Variants in SPAG5 observed in about 807,000 individuals in gnomAD.
SPAG5 encodes sperm associated antigen 5, also known as sperm-associated antigen 5.
SPAG5 carries 99 observed loss-of-function variants against 145.4 expected under a neutral mutation model. The ratio of observed to expected loss-of-function variants is 0.68; its 90% CI spans 0.58 to 0.80. The LOEUF (loss-of-function observed/expected upper bound fraction) is 0.80. Among genes scored for constraint, SPAG5 ranks in the 30% least tolerant of loss-of-function variants. The pLI is 0.00. For synonymous variants in SPAG5, 477 were observed against 525.4 expected (o/e 0.91, Z 1.26); for missense variants, 1,192 against 1,416.0 (o/e 0.84, Z 2.54).
chr17:28,586,573 C>T, intron 4 of SPAG5, 74 bp from the exon 5 acceptor site: 1 of 1,276,402 alleles, frequency 7.8e-7, no homozygotes, highest in South Asian at 1.2e-5. Context: ...GCTCTATCAT[C>T]CAGACTGGAG....
intron 4 of SPAG5, among the ~76,000 whole-genome samples, chr17:28,588,236 T>A (rs2070598822): frequency 6.6e-6 from 1 of 152,138 alleles, no homozygotes; most frequent in Admixed American, 6.5e-5. Context: ...GTGATGAGAT[T>A]AATGTGAAGG....
intron 5 of SPAG5, 22 bp downstream of exon 5, chr17:28,586,395 AGTGGTGGT>A (rs1567624991): frequency 4.1e-5 from 64 of 1,551,016 alleles, no homozygotes; most frequent in Non-Finnish European, 5.6e-5. Context: ...CAGGAGACCC[AGTGGTGGT>A]GTAAGGTCAA....
chr17:28,591,954 C>T (rs775602713), intron 3 of SPAG5, 28 bp downstream of exon 3: 7 of 1,610,534 alleles, frequency 4.3e-6, no homozygotes, highest in South Asian at 3.3e-5. Context: ...ATGGAACTCA[C>T]GAGGTGCAAG....
In SPAG5 at chr17:28,592,616, A is replaced by G. The variant is rs770797116; in HGVS notation, c.628T>C (p.Cys210Arg). The G allele has an allele frequency of 1.1e-5, 17 of 1,614,186 alleles. No homozygotes were observed. Among genetic ancestry groups the G allele is most frequent in the Non-Finnish European group, 1.4e-5 (17 of 1,180,034 alleles). ...HLLEESPPNPCSEQLHCSKES... is the reference protein window; with the variant it reads ...HLLEESPPNPRSEQLHCSKES... Reference sequence around the variant, plus strand: ...TTGGAGCAATGTAGTTGTTCAGAACAGGGATTTGGTGGAGACTCCTCTAAG... The same window carrying G: ...TTGGAGCAATGTAGTTGTTCAGAACGGGGATTTGGTGGAGACTCCTCTAAG... Residue 210 changes from cysteine to arginine, a missense_variant, in exon 3 of 24, where the codon TGT becomes CGT. This residue lies in a region of SPAG5 where 329 missense variants were observed against 354.0 expected (regional missense o/e 0.93). Coordinates refer to ENST00000321765, the MANE Select transcript of SPAG5 (RefSeq NM_006461.4).
chr17:28,598,414 T>C (rs2070683613), intron 2 of SPAG5, 96 bp downstream of exon 2: 2 of 1,415,040 alleles, frequency 1.4e-6, no homozygotes, highest in Non-Finnish European at 1.9e-6. Flanking sequence ...AAGACTTCAT[T>C]ATCGTTATTA....
Position 28,598,943 on chromosome 17 carries a change from A to G in SPAG5, c.4T>C (p.Trp2Arg). Residue 2 changes from tryptophan (W) to arginine (R), a missense_variant, in exon 1 of 24, where the codon TGG (tryptophan) becomes CGG (arginine). Around this residue, in one of 5 missense-constraint regions of SPAG5, gnomAD observed 329 missense variants for 354.0 expected, o/e 0.93. Transcript: ENST00000321765. M[W>R]RVKKLSLSLS... ...CTGAGGCTCAGTTTTTTCACTCGCC[A>G]CATCTTCAACCAGAAGGCAGGCCTA... 6.2e-7 allele frequency: 1 copy of G among 1,613,968 alleles called. No individual in the cohort carries two copies. The highest frequency in any genetic ancestry group is 8.5e-7 in the Non-Finnish European group (1 of 1,179,952).
chr17:28,587,740 A>G (rs1398549813), intron 4 of SPAG5, among the ~76,000 whole-genome samples: 2 of 145,996 alleles, frequency 1.4e-5, no homozygotes, highest in Non-Finnish European at 3.0e-5. Flanking sequence ...AAAAAAAAAA[A>G]GGATGAACCA....
Position 28,586,445 on chromosome 17 carries a change from GT to G in SPAG5, c.1491del (p.Gln498SerfsTer17). 6.2e-7 allele frequency: 1 copy of G among 1,613,676 alleles called. No homozygotes were observed. The highest frequency in any genetic ancestry group is 8.5e-7 in the Non-Finnish European group (1 of 1,179,528). On this transcript the variant is annotated frameshift_variant, in exon 5 of 24. Coordinates refer to ENST00000321765, the MANE Select transcript of SPAG5 (RefSeq NM_006461.4). LOFTEE classifies it high-confidence loss of function. Reference sequence around the variant, plus strand: ...CTTACCATGACATTTCTGGCCTGCTGTAGGGCCTGTCCCATCTCATGGCTCT... The same window carrying G: ...CTTACCATGACATTTCTGGCCTGCTGAGGGCCTGTCCCATCTCATGGCTCT... ...LKESHEMGQA[L>X]QQARNVMQSW...
intron 2 of SPAG5, among the ~76,000 whole-genome samples, chr17:28,595,236 C>T (rs947891920): frequency 1.4e-4 from 18 of 130,746 alleles, no homozygotes; most frequent in East Asian, 2.2e-4. Context: ...CCAATCTGGG[C>T]GATACAACAA....
rs760730622 is a variant in SPAG5, at chr17:28,594,590, G to A, written c.178-1524C>T. ...AGCCTGGGCAACAGAGCGAGACTCC[G>A]TCTCAAAAAATAATAATAATAATAA... On this transcript the variant is annotated intron_variant, in intron 2 of 23. Coordinates refer to ENST00000321765, the MANE Select transcript of SPAG5 (RefSeq NM_006461.4). Among the ~76,000 whole-genome samples the A allele has an allele frequency of 5.7e-4, 87 of 152,020 alleles. 1 individual carries two copies. Among genetic ancestry groups the A allele is most frequent in the Non-Finnish European group, 5.7e-4 (39 of 67,982 alleles).
Position 28,585,667 on chromosome 17 carries a change from T to C in SPAG5, c.1741-14A>G. 1 of 1,613,164 alleles carries C rather than the reference T, an allele frequency of 6.2e-7. No homozygotes were observed. On this transcript the variant is annotated splice_polypyrimidine_tract_variant and intron_variant, in intron 7 of 23. Coordinates refer to ENST00000321765, the MANE Select transcript of SPAG5 (RefSeq NM_006461.4). ...CACTATCTCTGCCTATTGAGGGAAG[T>C]GGTTGCAAGGCCACAGTGGGCAACA...
chr17:28,583,069 C>G (rs1310238045), intron 15 of SPAG5, among the ~76,000 whole-genome samples: 1 of 152,160 alleles, frequency 6.6e-6, no homozygotes, highest in African/African-American at 2.4e-5. Flanking sequence ...CCTCAACTTC[C>G]CAGGCTCAGG....
In SPAG5 at chr17:28,583,874, T is replaced by C; in HGVS notation, c.2525A>G (p.Lys842Arg). ...RERSLQCENLKDTVENLTAKL... is the reference protein window; with the variant it reads ...RERSLQCENLRDTVENLTAKL... ...TTACGTTAGGTTCTCTACAGTGTCC[T>C]TGAGGTTCTCACACTGCAAGCTGCG... The change falls in exon 14 of 24, where the codon AAG (lysine) becomes AGG (arginine). Residue 842 changes from lysine (K) to arginine (R), a missense_variant. By Grantham distance (26) the Lys-to-Arg change is conservative. This residue lies in a region of SPAG5 where 709 missense variants were observed against 840.7 expected (regional missense o/e 0.84). Coordinates refer to ENST00000321765, the MANE Select transcript of SPAG5 (RefSeq NM_006461.4). 6.2e-7 allele frequency: 1 copy of C among 1,614,180 alleles called. No homozygotes were observed. The highest frequency in any genetic ancestry group is 1.3e-5 in the African/African-American group (1 of 75,058).
chr17:28,586,324 A>G (rs1172389286), intron 5 of SPAG5, 101 bp downstream of exon 5: 19 of 1,229,514 alleles, frequency 1.5e-5, no homozygotes, highest in Non-Finnish European at 2.3e-5. Flanking sequence ...ACCTCCCTTC[A>G]CCACCACGAC....
rs369893028 is a variant in SPAG5 at position 28,579,832 on chromosome 17, C to T, written c.2803G>A (p.Glu935Lys). The change falls in exon 17 of 24, where the codon GAA (glutamate) becomes AAA (lysine). Residue 935 changes from glutamate (E) to lysine (K), a missense_variant. Physicochemically the swap from Glu to Lys is moderately conservative, Grantham distance 56 (BLOSUM62 1). Around this residue, in one of 5 missense-constraint regions of SPAG5, gnomAD observed 709 missense variants for 840.7 expected, o/e 0.84. Coordinates refer to ENST00000321765, the MANE Select transcript of SPAG5 (RefSeq NM_006461.4). ...ILTAVADEEP[E>K]STPVPLLGSD... is the part of the protein sequence containing the mutation. ...CCAAGCAAGGGCACAGGAGTTGATT[C>T]TGGCTCTAAGAGAAAAACCAATAAT... The T allele has an allele frequency of 6.2e-7, 1 of 1,614,162 alleles. No individual in the cohort carries two copies. The highest frequency in any genetic ancestry group is 2.2e-5 in the East Asian group (1 of 44,882).
chr17:28,589,288 G>A (rs1325390052), intron 4 of SPAG5, among the ~76,000 whole-genome samples: 4 of 151,852 alleles, frequency 2.6e-5, no homozygotes, highest in African/African-American at 7.3e-5. Context: ...TAGTAAAGAC[G>A]GGGTTTCGCC....
Position 28,585,054 on chromosome 17 carries a change from C to A in SPAG5, c.2067+48G>T, listed in dbSNP as rs756756015. ...AGGGTAAGAGGCTAATGGTATCACA[C>A]ATTAGGAAGGAAACCAAGCCTAAGC... On this transcript the variant is annotated intron_variant, in intron 10 of 23. Transcript: ENST00000321765. 4 of 1,511,098 alleles carry A rather than the reference C, an allele frequency of 2.6e-6. No homozygotes were observed. The South Asian group carries it at 4.5e-5, about 17-fold the overall frequency. The allele number at this position is 1,511,098 out of a possible 1,614,324, so 93.6% of individuals were successfully genotyped here.
In SPAG5 at chr17:28,592,910, G is replaced by A; in HGVS notation, c.334C>T (p.Pro112Ser). 6.2e-7 allele frequency: 1 copy of A among 1,614,168 alleles called. No homozygotes were observed. The highest frequency in any genetic ancestry group is 8.5e-7 in the Non-Finnish European group (1 of 1,180,000). Reference protein sequence around the residue: ...LDPIPQISSTPKTSEEAVDPL... With the variant: ...LDPIPQISSTSKTSEEAVDPL... ...TCTACTGCTTCCTCAGACGTTTTAG[G>A]AGTAGAGCTAATTTGGGGAATTGGA... The change falls in exon 3 of 24, where the codon CCT (proline) becomes TCT (serine). Residue 112 changes from proline (P) to serine (S), a missense_variant. By Grantham distance (74) the Pro-to-Ser change is moderately conservative (BLOSUM62 -1). Transcript: ENST00000321765.
At position 28,584,391 on chromosome 17, in the gene SPAG5, C is replaced by T; in HGVS notation, c.2251G>A (p.Ala751Thr). The T allele has an allele frequency of 6.2e-7, 1 of 1,614,198 alleles. No individual in the cohort carries two copies. Among genetic ancestry groups the T allele is most frequent in the East Asian group, 2.2e-5 (1 of 44,894 alleles). Residue 751 changes from alanine to threonine, a missense_variant, in exon 12 of 24, where the codon GCT (alanine) becomes ACT (threonine). By Grantham distance (58) the Ala-to-Thr change is moderately conservative. Around this residue, in one of 5 missense-constraint regions of SPAG5, gnomAD observed 709 missense variants for 840.7 expected, o/e 0.84. Transcript: ENST00000321765. ...SQHTHCAQDL[A>T]MKDELLCQLT... ...TGGCAGAGTAACTCATCCTTCATAG[C>T]CAGGTCCTGGGCACAATGGGTATGC...
Sources: allele counts gnomAD v4.1 joint callset (sites outside exome capture counted in the v4.1 genomes callset), GRCh38; gene constraint gnomAD v4.1.1; regional missense constraint gnomAD v4.1.1; transcripts MANE v1.5; gene names NCBI Gene and HGNC (gene_info 2026-07-23, HGNC 2026-07-21).